The following ASCC3 variants were observed in gnomAD, a reference collection of about 807,000 sequenced individuals.
The protein encoded by ASCC3 is ASC-1 complex subunit P200.
ASCC3 carries 158 observed loss-of-function variants against 256.3 expected under a neutral mutation model. That is an observed-to-expected ratio of 0.62 (90% CI 0.54 to 0.70). The LOEUF (loss-of-function observed/expected upper bound fraction) is 0.70. Among genes scored for constraint, ASCC3 ranks in the 30% least tolerant of loss-of-function variants. ASCC3 has a pLI of 0.00. For synonymous variants in ASCC3, 948 were observed against 883.4 expected (o/e 1.07, Z -1.30); for missense variants, 2,259 against 2,626.0 (o/e 0.86, Z 3.05).
intron 10 of ASCC3, among the ~76,000 whole-genome samples, chr6:100,753,404 A>C (rs964701805): frequency 6.6e-6 from 1 of 151,966 alleles, no homozygotes; most frequent in African/African-American, 2.4e-5. Context: ...TTTAGCATCC[A>C]ATGAAAAAAA....
chr6:100,860,026 TG>T (rs1562350937), intron 3 of ASCC3, among the ~76,000 whole-genome samples: 1 of 151,998 alleles, frequency 6.6e-6, no homozygotes, highest in Admixed American at 6.6e-5. Flanking sequence ...CCACTACTCT[TG>T]GCCCCCATCT....
intron 36 of ASCC3, among the ~76,000 whole-genome samples, chr6:100,566,031 T>C (rs1012554435): frequency 6.6e-6 from 1 of 151,958 alleles, no homozygotes; most frequent in Non-Finnish European, 1.5e-5. Flanking sequence ...TCCCTAAAAA[T>C]GTAAAGGTGT....
chr6:100,817,204 A>G (rs1331898345), intron 4 of ASCC3, among the ~76,000 whole-genome samples: 2 of 152,078 alleles, frequency 1.3e-5, no homozygotes, highest in Admixed American at 6.5e-5. Flanking sequence ...TGGAAAACTT[A>G]CAAATACGTG....
Position 100,627,571 on chromosome 6 carries a change from C to A in ASCC3, c.4642+19G>T. ...CATAAACAATGGTTACTATTTTATT[C>A]CAAGAATCTGAAGCTTACCCTGAAA... On this transcript the variant is annotated intron_variant, in intron 29 of 41. Transcript: ENST00000369162. 2 of 1,612,576 alleles carry A rather than the reference C, an allele frequency of 1.2e-6. No individual in the cohort carries two copies. The highest frequency in any genetic ancestry group is 2.2e-5 in the South Asian group (2 of 91,018).
chr6:100,819,766 G>T (rs576361863), intron 4 of ASCC3, among the ~76,000 whole-genome samples: 3 of 152,214 alleles, frequency 2.0e-5, no homozygotes, highest in Admixed American at 2.0e-4. Flanking sequence ...CACCCACCCC[G>T]ACTGAGGGTG....
At chr6:100,819,250 C>T (rs978038880) in intron 4 of ASCC3, among the ~76,000 whole-genome samples, 2 of 152,140 alleles carry the variant, frequency 1.3e-5, no homozygotes, top group Admixed American at 6.5e-5. Flanking sequence ...ACCAACATGG[C>T]ACATGTATAC....
intron 33 of ASCC3, among the ~76,000 whole-genome samples, chr6:100,602,391 A>G (rs1344218396): frequency 6.6e-6 from 1 of 152,084 alleles, no homozygotes; most frequent in African/African-American, 2.4e-5. Flanking sequence ...TATGTACTCA[A>G]TAAATGGCAC....
intron 36 of ASCC3, among the ~76,000 whole-genome samples, chr6:100,541,534 T>C (rs1476478969): frequency 6.6e-6 from 1 of 152,170 alleles, no homozygotes; most frequent in Non-Finnish European, 1.5e-5. Flanking sequence ...GGAGAATAAT[T>C]AGCTCTACGA....
chr6:100,584,032 G>A (rs1340409296), intron 36 of ASCC3, among the ~76,000 whole-genome samples: 1 of 152,008 alleles, frequency 6.6e-6, no homozygotes, highest in Non-Finnish European at 1.5e-5. Context: ...TGGAATAGGT[G>A]TGGTGTGGTG....
chr6:100,866,467 A>T (rs2114552177), intron 2 of ASCC3, among the ~76,000 whole-genome samples: 1 of 152,344 alleles, frequency 6.6e-6, no homozygotes, highest in Non-Finnish European at 1.5e-5. Flanking sequence ...CACATCTACT[A>T]ATTGATCAGA....
rs1780624345 is a variant in ASCC3, at chr6:100,745,530, C to T, written c.1738-19827G>A. On this transcript the variant is annotated intron_variant, in intron 10 of 41. Transcript: ENST00000369162. The stretch of plus-strand genomic sequence containing the variant: ...AAAAAAAAAAAACAAAAAACAACAA[C>T]AAGAAAATGTGATGCATGCACATAC... Among the ~76,000 whole-genome samples, 3 of 149,170 alleles carry T rather than the reference C, an allele frequency of 2.0e-5. No individual in the cohort carries two copies. In the South Asian group the frequency reaches 6.4e-4, roughly 32 times the overall value.
intron 36 of ASCC3, among the ~76,000 whole-genome samples, chr6:100,574,057 G>T (rs1770734833): frequency 6.6e-6 from 1 of 152,036 alleles, no homozygotes; most frequent in Non-Finnish European, 1.5e-5. Flanking sequence ...ATATTGAGCA[G>T]CAATGGCACA....
chr6:100,795,477 C>G (rs1769566172), intron 8 of ASCC3, among the ~76,000 whole-genome samples: 1 of 152,096 alleles, frequency 6.6e-6, no homozygotes, highest in South Asian at 2.1e-4. Context: ...GGCACATAGG[C>G]AGCTTTACTT....
intron 11 of ASCC3, among the ~76,000 whole-genome samples, chr6:100,724,420 AGTAG>A (rs1779524707): frequency 1.3e-5 from 2 of 151,942 alleles, no homozygotes; most frequent in African/African-American, 4.8e-5. Flanking sequence ...ATTTCCAGAC[AGTAG>A]GTGGTGGTGA....
chr6:100,596,611 T>A (rs240164), intron 34 of ASCC3, among the ~76,000 whole-genome samples: 88,452 of 151,944 alleles, frequency 0.58, 26,184 homozygotes, highest in East Asian at 0.72. Context: ...TTAATTCTGC[T>A]GCTGCTGTTT....
intron 30 of ASCC3, 55 bp from the exon 31 acceptor site, chr6:100,607,143 T>G (rs907594861): frequency 5.8e-6 from 9 of 1,554,114 alleles, no homozygotes; most frequent in Non-Finnish European, 8.0e-6. Flanking sequence ...AAATTTTCAT[T>G]AATTTTTCAT....
At chr6:100,552,843 A>G (rs185043256) in intron 36 of ASCC3, among the ~76,000 whole-genome samples, 3 of 152,086 alleles carry the variant, frequency 2.0e-5, no homozygotes, top group Admixed American at 1.3e-4. Context: ...AAAATATTAT[A>G]TATTTTAGAT....
At chr6:100,868,200 T>A (rs990692151) in intron 1 of ASCC3, among the ~76,000 whole-genome samples, 162 bp from the exon 2 acceptor site, 3 of 152,216 alleles carry the variant, frequency 2.0e-5, no homozygotes, top group Non-Finnish European at 4.4e-5. Flanking sequence ...TCCATGAAGT[T>A]TTTTTGTTTT....
At chr6:100,864,454 C>A (rs1193296732) in intron 2 of ASCC3, among the ~76,000 whole-genome samples, 1 of 152,184 alleles carries the variant, frequency 6.6e-6, no homozygotes, top group South Asian at 2.1e-4. Flanking sequence ...GTTTTAATTA[C>A]ACTGCATACT....
Sources: gnomAD v4.1 joint callset for allele counts (sites outside exome capture counted in the v4.1 genomes callset) on GRCh38, gnomAD v4.1.1 for gene constraint, MANE v1.5 for transcripts, NCBI Gene and HGNC (gene_info 2026-07-23, HGNC 2026-07-21) for gene names.